Variants in GABBR2 observed in about 807,000 individuals in gnomAD.
The protein encoded by GABBR2 is G-protein coupled receptor 51.
Under a neutral mutation model 105.6 loss-of-function variants are expected in GABBR2, and 23 were observed. The observed-to-expected ratio is 0.22, with a 90% confidence interval of 0.16 to 0.31. The LOEUF is 0.31. GABBR2 is among the 10% of genes least tolerant of loss of function. The pLI, the probability that GABBR2 is intolerant of heterozygous loss-of-function variation, is 1.00. For missense variants in GABBR2, 734 were observed against 1,245.5 expected (o/e 0.59, Z 6.18); for synonymous variants, 478 against 499.7 (o/e 0.96, Z 0.58).
At chr9:98,468,800 C>T (rs2131624467) in intron 6 of GABBR2, among the ~76,000 whole-genome samples, 1 of 152,226 alleles carries the variant, frequency 6.6e-6, no homozygotes, top group South Asian at 2.1e-4. Flanking sequence ...TCTGGAGTAC[C>T]ACACTCTGTG....
intron 1 of GABBR2, among the ~76,000 whole-genome samples, chr9:98,690,647 G>A (rs1033021945): frequency 6.6e-6 from 1 of 152,156 alleles, no homozygotes; most frequent in Non-Finnish European, 1.5e-5. Context: ...CCTCTCAAGA[G>A]GGGCTGATTA....
At chr9:98,414,235 G>A (rs533704692) in intron 7 of GABBR2, among the ~76,000 whole-genome samples, 52 of 152,346 alleles carry the variant, frequency 3.4e-4, no homozygotes, top group Middle Eastern at 3.4e-3. Context: ...AGGCCAAGGA[G>A]GGCCTTTCCA....
intron 7 of GABBR2, among the ~76,000 whole-genome samples, chr9:98,438,794 C>T (rs1052615529): frequency 6.6e-6 from 1 of 152,122 alleles, no homozygotes; most frequent in Non-Finnish European, 1.5e-5. Context: ...ACCACAAAAA[C>T]CTCATGCGTA....
At chr9:98,507,482 A>G (rs749087996) in intron 3 of GABBR2, among the ~76,000 whole-genome samples, 1 of 152,220 alleles carries the variant, frequency 6.6e-6, no homozygotes, top group African/African-American at 2.4e-5. Context: ...TAAAGCCTCC[A>G]GAAGGAACCA....
At chr9:98,687,243 G>A (rs1446184343) in intron 1 of GABBR2, among the ~76,000 whole-genome samples, 2 of 151,798 alleles carry the variant, frequency 1.3e-5, no homozygotes, top group East Asian at 3.9e-4. Context: ...GGGGCAGGGT[G>A]GGAGGTCACG....
chr9:98,501,691 G>C (rs1827403407), intron 3 of GABBR2, among the ~76,000 whole-genome samples: 1 of 152,182 alleles, frequency 6.6e-6, no homozygotes, highest in Non-Finnish European at 1.5e-5. Context: ...CTGATGGAGA[G>C]TGTAAAGGTC....
At chr9:98,317,202 C>T (rs1356916681) in intron 13 of GABBR2, among the ~76,000 whole-genome samples, 1 of 152,232 alleles carries the variant, frequency 6.6e-6, no homozygotes, top group Non-Finnish European at 1.5e-5. Flanking sequence ...CCGTGTCCAG[C>T]AGTGAGGCCA....
At chr9:98,456,691 T>G (rs931775421) in intron 6 of GABBR2, among the ~76,000 whole-genome samples, 17 of 152,254 alleles carry the variant, frequency 1.1e-4, no homozygotes, top group African/African-American at 2.7e-4. Context: ...CAAAAAGTTG[T>G]AATCCTACTG....
chr9:98,429,436 T>C (rs952563710), intron 7 of GABBR2, among the ~76,000 whole-genome samples: 14 of 152,154 alleles, frequency 9.2e-5, no homozygotes, highest in African/African-American at 3.4e-4. Flanking sequence ...CCACCACGCC[T>C]GGCCGGATTT....
chr9:98,316,150 A>G (rs1171387166), intron 13 of GABBR2, among the ~76,000 whole-genome samples: 1 of 138,404 alleles, frequency 7.2e-6, no homozygotes, highest in Non-Finnish European at 1.6e-5. Flanking sequence ...AAAATTTTCA[A>G]CTGGCTTTTT....
intron 13 of GABBR2, among the ~76,000 whole-genome samples, chr9:98,319,248 T>C (rs971250474): frequency 6.6e-6 from 1 of 152,120 alleles, no homozygotes; most frequent in Non-Finnish European, 1.5e-5. Context: ...GAAAGCCTGC[T>C]CCTGATGTGG....
intron 5 of GABBR2, among the ~76,000 whole-genome samples, chr9:98,474,275 CAT>C (rs1826744657): frequency 1.3e-5 from 2 of 152,102 alleles, no homozygotes; most frequent in African/African-American, 4.8e-5. Context: ...GCTTGCCTTC[CAT>C]TTAAAGAAAA....
At chr9:98,545,185 C>T (rs1828376328) in intron 2 of GABBR2, among the ~76,000 whole-genome samples, 1 of 152,140 alleles carries the variant, frequency 6.6e-6, no homozygotes, top group Admixed American at 6.5e-5. Flanking sequence ...CTCATGTTTT[C>T]CCTGTGGGTA....
chr9:98,445,255 G>A (rs1588164922), intron 7 of GABBR2, among the ~76,000 whole-genome samples: 1 of 152,212 alleles, frequency 6.6e-6, no homozygotes, highest in South Asian at 2.1e-4. Context: ...TGGAGGAGAC[G>A]AATATGGCTC....
chr9:98,387,706 C>T (rs1832098810), intron 10 of GABBR2, among the ~76,000 whole-genome samples: 1 of 151,874 alleles, frequency 6.6e-6, no homozygotes, highest in Non-Finnish European at 1.5e-5. Context: ...GCAGGAGGAT[C>T]GCTTGAGTCC....
At chr9:98,532,162 T>C (rs1223489188) in intron 3 of GABBR2, among the ~76,000 whole-genome samples, 1 of 152,192 alleles carries the variant, frequency 6.6e-6, no homozygotes, top group African/African-American at 2.4e-5. Flanking sequence ...TCATATCACA[T>C]ATTTAAACCA....
intron 18 of GABBR2, 127 bp downstream of exon 18, chr9:98,293,658 G>T: frequency 1.6e-6 from 1 of 625,908 alleles, no homozygotes; most frequent in South Asian, 2.1e-5. Context: ...TAATTGGACT[G>T]CATCATGGGA....
rs1828520854 is a variant in GABBR2, at chr9:98,553,099, G to C, written c.460-11056C>G. On this transcript the variant is annotated intron_variant, in intron 2 of 18. Coordinates refer to ENST00000259455, the MANE Select transcript of GABBR2 (RefSeq NM_005458.8). ...GGGTCTCGCTATTTTGCCCAGGCTG[G>C]TCTGAAACTCTTGGCCTCAAGTGAT... Among the ~76,000 whole-genome samples, 5 of 151,964 alleles carry C rather than the reference G, an allele frequency of 3.3e-5. No individual in the cohort carries two copies. In the South Asian group the frequency reaches 1.0e-3, roughly 32 times the overall value.
intron 1 of GABBR2, among the ~76,000 whole-genome samples, chr9:98,694,934 C>T (rs758212614): frequency 1.4e-4 from 21 of 152,180 alleles, no homozygotes; most frequent in Non-Finnish European, 2.6e-4. Context: ...ACTGCCCTGC[C>T]TCTAACCTAA....
Sources: allele counts gnomAD v4.1 joint callset (sites outside exome capture counted in the v4.1 genomes callset), GRCh38; gene constraint gnomAD v4.1.1; transcripts MANE v1.5; gene names NCBI Gene and HGNC (gene_info 2026-07-23, HGNC 2026-07-21).